Variants in MAP3K7CL observed in about 807,000 individuals in gnomAD.
The protein encoded by MAP3K7CL is MAP3K7 C-terminal-like protein.
In MAP3K7CL, 16 loss-of-function variants were observed where a neutral mutation model predicts 18.6. The observed-to-expected ratio is 0.86, with a 90% CI of 0.58 to 1.31. The LOEUF is 1.31. Among genes scored for constraint, MAP3K7CL ranks in the 50% most tolerant of loss-of-function variants. MAP3K7CL has a pLI of 0.00. For synonymous variants in MAP3K7CL, 65 were observed against 66.8 expected, an observed-to-expected ratio of 0.97 and a Z score of 0.13; for missense variants, 163 against 174.4, an observed-to-expected ratio of 0.93 and a Z score of 0.37.
chr21:29,111,542 C>T (rs904376513), intron 4 of MAP3K7CL, among the ~76,000 whole-genome samples: 1 of 152,088 alleles, frequency 6.6e-6, no homozygotes, highest in Non-Finnish European at 1.5e-5. Context: ...TCATCTCTTG[C>T]CTGGAGGGTG....
intron 2 of MAP3K7CL, among the ~76,000 whole-genome samples, chr21:29,137,065 A>G (rs1035936926): frequency 7.2e-5 from 11 of 152,252 alleles, no homozygotes; most frequent in Non-Finnish European, 1.5e-5. Flanking sequence ...ATGACATCTT[A>G]TAGGTAAAGT....
intron 4 of MAP3K7CL, among the ~76,000 whole-genome samples, chr21:29,123,302 G>A (rs1192860380): frequency 1.3e-5 from 2 of 152,126 alleles, no homozygotes; most frequent in Non-Finnish European, 2.9e-5. Context: ...GACCTCAGGT[G>A]ATCCACCTGC....
intron 4 of MAP3K7CL, among the ~76,000 whole-genome samples, chr21:29,096,439 G>A (rs1163605461): frequency 6.6e-6 from 1 of 152,172 alleles, no homozygotes; most frequent in Non-Finnish European, 1.5e-5. Context: ...AGTGCACAAA[G>A]AGTTTATAGC....
chr21:29,100,530 A>G (rs1437186820), intron 4 of MAP3K7CL, among the ~76,000 whole-genome samples: 4 of 152,092 alleles, frequency 2.6e-5, no homozygotes, highest in Admixed American at 2.6e-4. Flanking sequence ...AGTTTGGGAA[A>G]GTCATGTAAA....
At chr21:29,084,857 G>T (rs181433844), upstream of MAP3K7CL, among the ~76,000 whole-genome samples, 1 of 152,112 alleles carries the variant, frequency 6.6e-6, no homozygotes, top group East Asian at 1.9e-4. Flanking sequence ...TAGTCTAAAC[G>T]CAATTAGAAA....
At chr21:29,151,554 AT>A (rs2087276141) in intron 3 of MAP3K7CL, among the ~76,000 whole-genome samples, 1 of 152,046 alleles carries the variant, frequency 6.6e-6, no homozygotes, top group South Asian at 2.1e-4. Context: ...CCCTAGTCAT[AT>A]TTTTTCCTCT....
intron 4 of MAP3K7CL, among the ~76,000 whole-genome samples, chr21:29,169,958 AAAT>A (rs1469510837): frequency 6.6e-6 from 1 of 152,196 alleles, no homozygotes; most frequent in Non-Finnish European, 1.5e-5. Context: ...ATGACTGCAG[AAAT>A]AAGATCTCTC....
chr21:29,135,628 A>G (rs1240401741), intron 2 of MAP3K7CL, among the ~76,000 whole-genome samples: 1 of 152,168 alleles, frequency 6.6e-6, no homozygotes, highest in Non-Finnish European at 1.5e-5. Context: ...GAAATACAGG[A>G]TGTACAACTT....
At chr21:29,109,892 G>T (rs1255307384) in intron 4 of MAP3K7CL, 1 of 649,352 alleles carries the variant, frequency 1.5e-6, no homozygotes, top group African/African-American at 2.0e-5. Context: ...TTCTGTTATT[G>T]TCAGATTGCT....
intron 4 of MAP3K7CL, among the ~76,000 whole-genome samples, chr21:29,118,366 ATG>A (rs10585740): frequency 0.5 from 72,965 of 145,034 alleles, 18,118 homozygotes; most frequent in East Asian, 0.67. Context: ...ACTTTTCTCC[ATG>A]TGTGTCCCTG....
At chr21:29,085,991 G>A in intron 1 of MAP3K7CL, 1 of 1,516,006 alleles carries the variant, frequency 6.6e-7, no homozygotes, top group Non-Finnish European at 9.1e-7. Context: ...AAACAGGGTG[G>A]GAAAAATGTA....
At chr21:29,145,916 G>A (rs1243581069) in intron 2 of MAP3K7CL, among the ~76,000 whole-genome samples, 1 of 151,902 alleles carries the variant, frequency 6.6e-6, no homozygotes, top group Non-Finnish European at 1.5e-5. Flanking sequence ...TTATTTATCT[G>A]TAAGTTTATC....
chr21:29,112,786 G>A (rs539947355), intron 4 of MAP3K7CL, among the ~76,000 whole-genome samples: 5 of 151,472 alleles, frequency 3.3e-5, no homozygotes, highest in South Asian at 4.2e-4. Flanking sequence ...TCATTCTTCT[G>A]CCTTTCCTCC....
chr21:29,140,604 C>G (rs1371481096), intron 2 of MAP3K7CL, among the ~76,000 whole-genome samples: 1 of 152,156 alleles, frequency 6.6e-6, no homozygotes, highest in Non-Finnish European at 1.5e-5. Flanking sequence ...AGAGAAAGCT[C>G]AAAGCTTCTT....
chr21:29,107,621 C>T (rs965529118), intron 4 of MAP3K7CL, among the ~76,000 whole-genome samples: 3 of 152,078 alleles, frequency 2.0e-5, no homozygotes, highest in Non-Finnish European at 4.4e-5. Flanking sequence ...GAAGTTGTCA[C>T]GTGGGGATGT....
chr21:29,081,616 C>T (rs1054955561), upstream of MAP3K7CL, among the ~76,000 whole-genome samples: 1 of 152,122 alleles, frequency 6.6e-6, no homozygotes, highest in African/African-American at 2.4e-5. Context: ...TCTGATGGAC[C>T]AAAATATAGT....
At chr21:29,138,296 A>T (rs1205503344) in intron 2 of MAP3K7CL, among the ~76,000 whole-genome samples, 1 of 152,266 alleles carries the variant, frequency 6.6e-6, no homozygotes, top group Non-Finnish European at 1.5e-5. Flanking sequence ...TGAGCTAATG[A>T]TATTAATGAT....
rs778564114 is a variant in MAP3K7CL, at chr21:29,092,303, A to ACTCCAGTTTATAGGG, written c.228-135_228-134insTCCAGTTTATAGGGC. On this transcript the variant is annotated intron_variant, in intron 3 of 6. Coordinates refer to the MAP3K7CL transcript ENST00000286791. Reference sequence around the variant, plus strand: ...TGATGAGAAACCTTTCCAGATTTAAACCATTAACAACCCTCTCTAAAGAGG... The same window carrying ACTCCAGTTTATAGGG: ...TGATGAGAAACCTTTCCAGATTTAAACTCCAGTTTATAGGGCCATTAACAACCCTCTCTAAAGAGG... 1.1e-5 allele frequency: 10 copies of ACTCCAGTTTATAGGG among 951,494 alleles called. No individual in the cohort carries two copies. The South Asian group carries it at 1.7e-4, about 16-fold the overall frequency. 58.9% of individuals were successfully genotyped at this position (951,494 alleles called of 1,614,324 possible). A position where few individuals can be genotyped will look rare whatever the true frequency, so the allele number is the denominator to read the frequency against.
rs115964133 is a variant in MAP3K7CL at position 29,152,775 on chromosome 21, A to G, written c.132+3525A>G. On this transcript the variant is annotated intron_variant, in intron 3 of 4. Coordinates refer to ENST00000399928, the MANE Select transcript of MAP3K7CL (RefSeq NM_001286620.2). ...CTCCACCTTACAGATGAGAAACTTG[A>G]GGCCAAATTTTGGTCTAAATACATT... Among the ~76,000 whole-genome samples the G allele has an allele frequency of 3.5e-3, 530 of 152,334 alleles. 2 individuals carry two copies. Among genetic ancestry groups the G allele is most frequent in the African/African-American group, 0.012 (479 of 41,570 alleles).
Sources: gnomAD v4.1 joint callset for allele counts (sites outside exome capture counted in the v4.1 genomes callset) on GRCh38, gnomAD v4.1.1 for gene constraint, MANE v1.5 for transcripts, NCBI Gene and HGNC (gene_info 2026-07-23, HGNC 2026-07-21) for gene names.